The following TUT4 variants were observed in gnomAD, a reference collection of about 807,000 sequenced individuals.
TUT4 encodes terminal uridylyltransferase 4.
In TUT4, 36 loss-of-function variants were observed where a neutral mutation model predicts 192.2. The observed-to-expected ratio is 0.19, with a 90% confidence interval of 0.14 to 0.25. The LOEUF (loss-of-function observed/expected upper bound fraction) is 0.25. Among genes scored for constraint, TUT4 ranks in the 10% least tolerant of loss-of-function variants. The pLI, the probability that TUT4 is intolerant of heterozygous loss-of-function variation, is 1.00. For synonymous variants in TUT4, 618 were observed against 666.0 expected (o/e 0.93, Z 1.11); for missense variants, 1,493 against 1,957.2 (o/e 0.76, Z 4.47).
intron 12 of TUT4, among the ~76,000 whole-genome samples, chr1:52,476,861 C>T (rs532029118): frequency 6.6e-6 from 1 of 152,232 alleles, no homozygotes; most frequent in East Asian, 1.9e-4. Context: ...GACATAAATT[C>T]AATTTCTTAT....
At chr1:52,514,428 G>A (rs556268898) in intron 3 of TUT4, among the ~76,000 whole-genome samples, 4 of 152,256 alleles carry the variant, frequency 2.6e-5, no homozygotes, top group South Asian at 2.1e-4. Flanking sequence ...GCAACAGAGC[G>A]AGACTCTGTC....
intron 20 of TUT4, among the ~76,000 whole-genome samples, chr1:52,456,989 C>A (rs993587290): frequency 2.0e-5 from 3 of 152,170 alleles, no homozygotes; most frequent in African/African-American, 7.2e-5. Flanking sequence ...TCTTTACAGT[C>A]CTCTCAATTT....
At chr1:52,500,391 G>A (rs1165678238) in intron 4 of TUT4, among the ~76,000 whole-genome samples, 1 of 152,188 alleles carries the variant, frequency 6.6e-6, no homozygotes, top group Non-Finnish European at 1.5e-5. Flanking sequence ...ACTCTGGGAG[G>A]CCAAGGCAGG....
At chr1:52,474,194 C>G (rs768485073) in intron 13 of TUT4, among the ~76,000 whole-genome samples, 8 of 152,166 alleles carry the variant, frequency 5.3e-5, no homozygotes, top group Non-Finnish European at 1.0e-4. Context: ...GGCAACAGAG[C>G]CAGACCTTGT....
chr1:52,545,142 G>A (rs752112013), intron 1 of TUT4, among the ~76,000 whole-genome samples: 1 of 151,626 alleles, frequency 6.6e-6, no homozygotes, highest in African/African-American at 2.4e-5. Flanking sequence ...TTGGGAGGCC[G>A]AAGTGAGTGG....
intron 6 of TUT4, among the ~76,000 whole-genome samples, chr1:52,494,467 G>T (rs755803820): frequency 6.6e-6 from 1 of 152,114 alleles, no homozygotes; most frequent in Non-Finnish European, 1.5e-5. Context: ...CGAGGCAGGC[G>T]GATCACCTGA....
At chr1:52,512,709 C>T (rs1331824302) in intron 3 of TUT4, among the ~76,000 whole-genome samples, 2 of 152,132 alleles carry the variant, frequency 1.3e-5, no homozygotes, top group African/African-American at 4.8e-5. Flanking sequence ...TTTCTGCAAA[C>T]AAGCTAGAAC....
At chr1:52,436,398 A>C (rs1242386316) in intron 26 of TUT4, among the ~76,000 whole-genome samples, 1 of 151,162 alleles carries the variant, frequency 6.6e-6, no homozygotes, top group African/African-American at 2.5e-5. Context: ...AGGCAGGAGA[A>C]TCGCTTGAAC....
intron 3 of TUT4, among the ~76,000 whole-genome samples, chr1:52,512,637 GT>G (rs1426537224): frequency 6.6e-6 from 1 of 152,118 alleles, no homozygotes. Flanking sequence ...CATAAAAAAA[GT>G]TAAACACTGT....
intron 1 of TUT4, among the ~76,000 whole-genome samples, chr1:52,540,348 CTACTAAA>C (rs199595660): frequency 0.012 from 1,871 of 152,010 alleles, 35 homozygotes; most frequent in African/African-American, 0.043. Flanking sequence ...AACCCCATCT[CTACTAAA>C]AAGACAAAAA....
intron 4 of TUT4, among the ~76,000 whole-genome samples, chr1:52,505,448 G>C (rs1228589705): frequency 7.6e-6 from 1 of 131,066 alleles, no homozygotes; most frequent in Non-Finnish European, 1.6e-5. Flanking sequence ...TTGAGACAGA[G>C]TATCACTCTG....
At chr1:52,522,077 T>TG (rs11371372) in intron 2 of TUT4, among the ~76,000 whole-genome samples, 52,115 of 151,990 alleles carry the variant, frequency 0.34, 12,160 homozygotes, top group African/African-American at 0.67. Context: ...TGTTTTCATA[T>TG]GGGAAAAAAA....
chr1:52,468,639 C>T (rs1664866241), intron 14 of TUT4: 1 of 166,756 alleles, frequency 6.0e-6, no homozygotes, highest in African/African-American at 2.4e-5. Flanking sequence ...CTATACTAGG[C>T]ATCTGGCCCA....
chr1:52,523,336 T>C (rs1032491843), intron 2 of TUT4, among the ~76,000 whole-genome samples: 3 of 149,372 alleles, frequency 2.0e-5, no homozygotes, highest in African/African-American at 7.3e-5. Context: ...CCCGGTGTAG[T>C]GGCTCATGCC....
At chr1:52,536,062 A>G (rs529894071) in intron 1 of TUT4, among the ~76,000 whole-genome samples, 3 of 152,376 alleles carry the variant, frequency 2.0e-5, no homozygotes, top group African/African-American at 4.8e-5. Context: ...GAAATAAAGA[A>G]CACTAGTAAA....
intron 1 of TUT4, 149 bp downstream of exon 1, chr1:52,552,781 AG>A (rs1689811103): frequency 6.6e-6 from 1 of 152,258 alleles, no homozygotes; most frequent in South Asian, 2.1e-4. Flanking sequence ...AAGAAGTGTC[AG>A]GCCCCCAGGG....
At chr1:52,446,203 T>TC (rs1203443262) in intron 22 of TUT4, 62 bp downstream of exon 22, 1 of 1,494,400 alleles carries the variant, frequency 6.7e-7, no homozygotes, top group Non-Finnish European at 9.1e-7. Flanking sequence ...ATTTCAGTTT[T>TC]CCCCTCAATT....
chr1:52,435,401 A>C lies in TUT4; in HGVS notation c.4227T>G (p.Gly1409=). ...ACTGTCTAGTCCTTATGGACTGATC[A>C]CCCTGTTGCTGAGCTGAACCAGCCA... ...QQVAGSAQQQ[G]DQSIRTRQSS... Residue 1409 remains glycine, a synonymous_variant, in exon 27 of 30, where the codon GGT becomes GGG. Transcript: ENST00000257177. 1 of 1,614,168 alleles carries C rather than the reference A, an allele frequency of 6.2e-7. No individual in the cohort carries two copies. Among genetic ancestry groups the C allele is most frequent in the Non-Finnish European group, 8.5e-7 (1 of 1,180,020 alleles).
chr1:52,515,982 A>G lies in TUT4; in HGVS notation c.791T>C (p.Ile264Thr), dbSNP rs760503542. Residue 264 changes from isoleucine to threonine, a missense_variant, in exon 3 of 30, where the codon ATA becomes ACA. Physicochemically the swap from Ile to Thr is moderately conservative, Grantham distance 89. This residue lies in a region of TUT4 where 437 missense variants were observed against 577.6 expected (regional missense o/e 0.76). Transcript: ENST00000257177. The stretch of plus-strand genomic sequence containing the variant: ...CTCAGGTGTCAATGCAGATTCATCT[A>G]TCACAGTGGCATTTTCTAAGTAGTC... ...EMDYLENATV[I>T]DESALTPEQR... 1.7e-5 allele frequency: 27 copies of G among 1,613,518 alleles called. No individual in the cohort carries two copies. Among genetic ancestry groups the G allele is most frequent in the Non-Finnish European group, 2.1e-5 (25 of 1,179,874 alleles).
Sources: allele counts gnomAD v4.1 joint callset (sites outside exome capture counted in the v4.1 genomes callset), GRCh38; gene constraint gnomAD v4.1.1; regional missense constraint gnomAD v4.1.1; transcripts MANE v1.5; gene names NCBI Gene and HGNC (gene_info 2026-07-23, HGNC 2026-07-21).